Variants in HCCS observed in about 807,000 individuals in gnomAD.
HCCS encodes holocytochrome c-type synthase.
Under a neutral mutation model 24.2 loss-of-function variants are expected in HCCS, and 2 were observed. The observed-to-expected ratio is 0.08, with a 90% confidence interval of 0.03 to 0.26. HCCS has a LOEUF of 0.26. Among genes scored for constraint, HCCS ranks in the 10% least tolerant of loss-of-function variants. The pLI, the probability that HCCS is intolerant of heterozygous loss-of-function variation, is 1.00. For synonymous variants in HCCS, 73 were observed against 76.2 expected, an observed-to-expected ratio of 0.96 and a Z score of 0.22; for missense variants, 150 against 213.3, an observed-to-expected ratio of 0.70 and a Z score of 1.85.
chrX:11,112,787 C>T (rs775784869), intron 2 of HCCS, among the ~76,000 whole-genome samples: 5 of 112,815 alleles, frequency 4.4e-5, no homozygotes, highest in Non-Finnish European at 9.4e-5. Flanking sequence ...GGGGGGCAAT[C>T]CCCCCTTCCC....
At position 11,121,827 on chromosome X, in the gene HCCS, G is replaced by A; in HGVS notation, c.*17G>A. On this transcript the variant is annotated 3_prime_UTR_variant, in exon 7 of 7. Coordinates refer to ENST00000380762, the MANE Select transcript of HCCS (RefSeq NM_005333.5). Reference sequence around the variant, plus strand: ...ACCTCGTAAAGCACTGTTTCAGATGGAAAAATATAAACTATTTTTTTCTGA... The same window carrying A: ...ACCTCGTAAAGCACTGTTTCAGATGAAAAAATATAAACTATTTTTTTCTGA... The A allele has an allele frequency of 1.7e-6, 2 of 1,167,328 alleles. No individual in the cohort carries two copies. Among genetic ancestry groups the A allele is most frequent in the Non-Finnish European group, 2.3e-6 (2 of 856,670 alleles).
Position 11,112,085 on chromosome X carries a change from G to T in HCCS, c.25G>T (p.Ala9Ser). The change falls in exon 2 of 7, where the codon GCT becomes TCT. Residue 9 changes from alanine (A) to serine (S), a missense_variant. Around this residue, in one of 2 missense-constraint regions of HCCS, gnomAD observed 95 missense variants for 79.1 expected, o/e 1.20. Coordinates refer to ENST00000380762, the MANE Select transcript of HCCS (RefSeq NM_005333.5). MGLSPSAP[A>S]VAVQASNASA... The stretch of plus-strand genomic sequence containing the variant: ...CATGGGTTTGTCTCCATCTGCTCCT[G>T]CTGTTGCAGTTCAGGCCTCAAATGC... The T allele has an allele frequency of 8.3e-7, 1 of 1,209,511 alleles. No homozygotes were observed. The highest frequency in any genetic ancestry group is 1.1e-6 in the Non-Finnish European group (1 of 893,110).
intron 5 of HCCS, among the ~76,000 whole-genome samples, chrX:11,119,396 G>A (rs1486420207): frequency 2.7e-5 from 3 of 111,398 alleles, no homozygotes; most frequent in African/African-American, 6.5e-5. Flanking sequence ...ACACTGGAGC[G>A]TGCATCAGGA....
At chrX:11,117,784 C>G (rs1405887661) in intron 4 of HCCS, among the ~76,000 whole-genome samples, 1 of 111,946 alleles carries the variant, frequency 8.9e-6, no homozygotes, top group Admixed American at 9.5e-5. Context: ...CCAGCGGTCT[C>G]AAGATGCAAG....
chrX:11,121,496 C>A (rs2045491383), intron 6 of HCCS, 116 bp from the exon 7 acceptor site: 1 of 586,968 alleles, frequency 1.7e-6, no homozygotes, highest in East Asian at 3.4e-5. Flanking sequence ...CTGACTTCCC[C>A]AGTTAGGTGT....
At chrX:11,113,024 G>T (rs974989363) in intron 2 of HCCS, among the ~76,000 whole-genome samples, 1 of 112,770 alleles carries the variant, frequency 8.9e-6, no homozygotes, top group Non-Finnish European at 1.9e-5. Flanking sequence ...CAGTATTTTC[G>T]TATATAAAAG....
At chrX:11,115,411 G>C (rs2045440733) in intron 3 of HCCS, among the ~76,000 whole-genome samples, 1 of 112,040 alleles carries the variant, frequency 8.9e-6, no homozygotes, top group Non-Finnish European at 1.9e-5. Context: ...GTGGTTCACT[G>C]TCGTGTGACT....
rs772661172 is a variant in HCCS at position 11,111,332 on chromosome X, A to C, written c.-229A>C. ...GAGAACGCCGGCGGTGACCGCAGCCACAGCGGTGACCGAGTGAGAGGAAGG... is the reference window on the plus strand; with the variant it reads ...GAGAACGCCGGCGGTGACCGCAGCCCCAGCGGTGACCGAGTGAGAGGAAGG... On this transcript the variant is annotated 5_prime_UTR_variant, in exon 1 of 7. Transcript: ENST00000380762. 1,782 of 158,343 alleles carry C rather than the reference A, an allele frequency of 0.011. 31 individuals are homozygous for C. The highest frequency in any genetic ancestry group is 0.056 in the African/African-American group (1,669 of 29,928). The allele number at this position is 158,343 out of a possible 1,213,427, so 13.0% of individuals were successfully genotyped here.
rs752520042 is a variant in HCCS, at chrX:11,121,787, G to A, written c.784G>A (p.Ala262Thr). The change falls in exon 7 of 7, where the codon GCT (alanine) becomes ACT (threonine). Residue 262 changes from alanine to threonine, a missense_variant. Physicochemically the swap from Ala to Thr is moderately conservative, Grantham distance 58. Around this residue, in one of 2 missense-constraint regions of HCCS, gnomAD observed 55 missense variants for 134.2 expected, o/e 0.41. Coordinates refer to ENST00000380762, the MANE Select transcript of HCCS (RefSeq NM_005333.5). The part of the protein sequence containing the change: ...LSAVWDRMKV[A>T]WWRWTS ...GGCAGTATGGGACAGAATGAAAGTC[G>A]CTTGGTGGCGTTGGACCTCGTAAAG... 3.3e-6 allele frequency: 4 copies of A among 1,207,964 alleles called. No homozygotes were observed. The highest frequency in any genetic ancestry group is 3.4e-6 in the Non-Finnish European group (3 of 893,405).
At position 11,123,073 on chromosome X, in the gene HCCS, A is replaced by G. The variant is rs1353641150; in HGVS notation, c.*1263A>G. 9.0e-6 allele frequency: 1 copy of G among 111,668 alleles called. No individual in the cohort carries two copies. The highest frequency in any genetic ancestry group is 3.3e-5 in the African/African-American group (1 of 30,660). The allele number at this position is 111,668 out of a possible 1,213,427, so 9.2% of individuals were successfully genotyped here. On this transcript the variant is annotated 3_prime_UTR_variant, in exon 7 of 7. Coordinates refer to ENST00000380762, the MANE Select transcript of HCCS (RefSeq NM_005333.5). ...ATTTTAAAATAAAGCTGATTAGTTC[A>G]CAGGTTTTGAAAATTTTTTGGAATA... is the stretch of plus-strand genomic sequence containing the variant.
At position 11,114,843 on chromosome X, in the gene HCCS, G is replaced by A; in HGVS notation, c.109G>A (p.Val37Met). 8 of 1,209,643 alleles carry A rather than the reference G, an allele frequency of 6.6e-6. No homozygotes were observed. The highest frequency in any genetic ancestry group is 9.0e-6 in the Non-Finnish European group (8 of 893,587). Residue 37 changes from valine to methionine, a missense_variant, in exon 3 of 7, where the codon GTG becomes ATG. Transcript: ENST00000380762. ...MHEGKMKGCPVNTEPSGPTCE... is the reference protein window; with the variant it reads ...MHEGKMKGCPMNTEPSGPTCE... Reference sequence around the variant, plus strand: ...ATACTTGATTATTTCAGGCTGTCCAGTGAATACAGAGCCATCTGGCCCAAC... The same window carrying A: ...ATACTTGATTATTTCAGGCTGTCCAATGAATACAGAGCCATCTGGCCCAAC...
In HCCS at chrX:11,117,122, T is replaced by G. The variant is rs2045454027; in HGVS notation, c.253-145T>G. On this transcript the variant is annotated intron_variant, in intron 3 of 6. Coordinates refer to ENST00000380762, the MANE Select transcript of HCCS (RefSeq NM_005333.5). ...AATGTGACTCTTCAAAACAGTCAAA[T>G]TATGTGAGAAGTCTGAAATTTTGAT... The G allele has an allele frequency of 2.5e-5, 13 of 527,875 alleles. No homozygotes were observed. In the Admixed American group the frequency reaches 3.6e-4, roughly 15 times the overall value. The allele number at this position is 527,875 out of a possible 1,213,427, so 43.5% of individuals were successfully genotyped here.
Position 11,114,936 on chromosome X carries a change from A to G in HCCS, c.202A>G (p.Ile68Val). 1 of 1,203,295 alleles carries G rather than the reference A, an allele frequency of 8.3e-7. No individual in the cohort carries two copies. Among genetic ancestry groups the G allele is most frequent in the Non-Finnish European group, 1.1e-6 (1 of 887,625 alleles). The change falls in exon 3 of 7, where the codon ATT (isoleucine) becomes GTT (valine). Residue 68 changes from isoleucine (I) to valine (V), a missense_variant. This residue lies in a region of HCCS where 95 missense variants were observed against 79.1 expected (regional missense o/e 1.20). Transcript: ENST00000380762. ...CGCCTATGAGTACGTGGAGTGTCCC[A>G]TTAGGGGCACTGCGGCTGAGAATAA... The part of the protein sequence containing the change: ...ERAYEYVECP[I>V]RGTAAENKEN...
chrX:11,112,456 G>A (rs924160381), intron 2 of HCCS, among the ~76,000 whole-genome samples: 3 of 111,928 alleles, frequency 2.7e-5, no homozygotes, highest in African/African-American at 9.8e-5. Context: ...ACTCCAGCCT[G>A]GGTGACAGAG....
chrX:11,116,771 G>A (rs969253123), intron 3 of HCCS, among the ~76,000 whole-genome samples: 2 of 112,526 alleles, frequency 1.8e-5, no homozygotes, highest in South Asian at 3.7e-4. Flanking sequence ...TGACCTCGCA[G>A]CGTTGAGATG....
chrX:11,111,611 G>A (rs1206330629), intron 1 of HCCS, 93 bp downstream of exon 1: 1 of 159,765 alleles, frequency 6.3e-6, no homozygotes. Context: ...TTCATGCGCC[G>A]CACCCTTCTC....
chrX:11,120,125 A>C, intron 5 of HCCS: 1 of 260,793 alleles, frequency 3.8e-6, no homozygotes, highest in Admixed American at 4.5e-5. Flanking sequence ...CCTCCCACTT[A>C]CTTAGACACC....
intron 6 of HCCS, 50 bp from the exon 7 acceptor site, chrX:11,121,562 C>A (rs1415238909): frequency 2.7e-5 from 28 of 1,044,756 alleles, no homozygotes; most frequent in Non-Finnish European, 3.8e-5. Flanking sequence ...TAAACCGGGA[C>A]TGAATGTATT....
chrX:11,115,243 T>G (rs2045439622), intron 3 of HCCS, among the ~76,000 whole-genome samples: 1 of 112,359 alleles, frequency 8.9e-6, no homozygotes, highest in African/African-American at 3.2e-5. Context: ...GAATATTTTC[T>G]TCTGGGACAG....
Sources: allele counts gnomAD v4.1 joint callset (sites outside exome capture counted in the v4.1 genomes callset), GRCh38; gene constraint gnomAD v4.1.1; regional missense constraint gnomAD v4.1.1; transcripts MANE v1.5; gene names NCBI Gene and HGNC (gene_info 2026-07-23, HGNC 2026-07-21).